DOCK5: variants seen among roughly 807,000 people sequenced by gnomAD.
DOCK5 encodes dedicator of cytokinesis 5.
A neutral mutation model predicts 251.8 loss-of-function variants in DOCK5; 142 were observed. The ratio of observed to expected loss-of-function variants is 0.56; its 90% CI spans 0.49 to 0.65. DOCK5 has a LOEUF of 0.65. Ranked by LOEUF, DOCK5 falls within the 30% of genes least tolerant of loss-of-function variation. The pLI is 0.00. For missense variants in DOCK5, 2,111 were observed against 2,312.3 expected (o/e 0.91, Z 1.79); for synonymous variants, 842 against 835.5 (o/e 1.01, Z -0.13).
chr8:25,371,398 G>A (rs547018029), intron 34 of DOCK5, among the ~76,000 whole-genome samples: 130 of 152,198 alleles, frequency 8.5e-4, no homozygotes, highest in South Asian at 1.5e-3. Flanking sequence ...AACCTGGGAG[G>A]CGGAGATTGC....
chr8:25,319,773 A>G, intron 15 of DOCK5, 97 bp downstream of exon 15: 1 of 865,002 alleles, frequency 1.2e-6, no homozygotes, highest in Non-Finnish European at 1.8e-6. Context: ...TTATTTTGAA[A>G]TTTTTAGATA....
intron 40 of DOCK5, 141 bp from the exon 41 acceptor site, chr8:25,388,950 A>G: frequency 1.4e-6 from 1 of 730,586 alleles, no homozygotes; most frequent in Non-Finnish European, 2.2e-6. Flanking sequence ...CTGTCAGGCA[A>G]GGACTAGATT....
rs144747554 is a variant in DOCK5, at chr8:25,377,412, C to T, written c.3924C>T (p.Phe1308=). The change falls in exon 38 of 52, where the codon TTC becomes TTT. Residue 1308 remains phenylalanine (F), a synonymous_variant. Coordinates refer to ENST00000276440, the MANE Select transcript of DOCK5 (RefSeq NM_024940.8). ...EKLYQEIISY[F]DKGKMWEKAI... ...TGTATCAAGAAATCATATCATATTT[C>T]GACAAAGGCAAAGTGAGTATTGGAT... 2.4e-5 allele frequency: 38 copies of T among 1,613,088 alleles called. No individual in the cohort carries two copies. Among genetic ancestry groups the T allele is most frequent in the African/African-American group, 5.3e-5 (4 of 75,016 alleles).
chr8:25,409,075 A>G (rs1801572966), intron 50 of DOCK5, 135 bp downstream of exon 50: 5 of 1,323,248 alleles, frequency 3.8e-6, no homozygotes, highest in Middle Eastern at 2.2e-4. Flanking sequence ...GTGTTCGTGT[A>G]TTATACAGTT....
intron 50 of DOCK5, 55 bp downstream of exon 50, chr8:25,408,995 T>C (rs1421835033): frequency 6.2e-7 from 1 of 1,610,800 alleles, no homozygotes; most frequent in African/African-American, 1.3e-5. Flanking sequence ...AGTATGTTTA[T>C]GCATCTGGGC....
chr8:25,308,018 A>T (rs961573054), intron 11 of DOCK5, among the ~76,000 whole-genome samples: 4 of 152,202 alleles, frequency 2.6e-5, no homozygotes, highest in African/African-American at 9.6e-5. Flanking sequence ...AGTGTGTTTT[A>T]TTGTCAGGGT....
intron 35 of DOCK5, 55 bp downstream of exon 35, chr8:25,372,773 C>G: frequency 1.3e-6 from 2 of 1,542,384 alleles, no homozygotes; most frequent in South Asian, 2.5e-5. Flanking sequence ...GCCCCTGCAC[C>G]CTACAGCTCA....
At chr8:25,236,575 A>G (rs1339909206) in intron 1 of DOCK5, among the ~76,000 whole-genome samples, 67 of 152,018 alleles carry the variant, frequency 4.4e-4, no homozygotes, top group Admixed American at 4.3e-3. Context: ...GAAGAATTGT[A>G]ACCATCTTTT....
At chr8:25,371,639 T>C (rs1159839367) in intron 34 of DOCK5, among the ~76,000 whole-genome samples, 3 of 152,244 alleles carry the variant, frequency 2.0e-5, no homozygotes, top group Non-Finnish European at 4.4e-5. Context: ...TTATATCTTT[T>C]GCAATTCTGA....
At position 25,414,909 on chromosome 8, in the gene DOCK5, C is replaced by CTTTTTTTTTTTTTTTTTTTTTTTT; in HGVS notation, c.*3624_*3625insTTTTTTTTTTTTTTTTTTTTTTTT. 1.0e-5 allele frequency: 1 copy of CTTTTTTTTTTTTTTTTTTTTTTTT among 96,604 alleles called. No homozygotes were observed. Among genetic ancestry groups the CTTTTTTTTTTTTTTTTTTTTTTTT allele is most frequent in the Middle Eastern group, 7.7e-3 (1 of 130 alleles). 6.0% of individuals were successfully genotyped at this position (96,604 alleles called of 1,614,324 possible). ...ATTTGTAGTCAGTCCCTGGGCCTGT[C>CTTTTTTTTTTTTTTTTTTTTTTTT]TTTTTTTTTTTTTAATTTTGAAGCT... On this transcript the variant is annotated 3_prime_UTR_variant, in exon 52 of 52. Transcript: ENST00000276440.
At chr8:25,293,504 C>T (rs1804544953) in intron 6 of DOCK5, among the ~76,000 whole-genome samples, 1 of 152,056 alleles carries the variant, frequency 6.6e-6, no homozygotes, top group African/African-American at 2.4e-5. Flanking sequence ...AAGAAACAGA[C>T]CAAGTGAGCT....
At chr8:25,376,101 A>AAG in intron 37 of DOCK5, 5 of 830,046 alleles carry the variant, frequency 6.0e-6, no homozygotes, top group Non-Finnish European at 6.8e-6. Flanking sequence ...TGTGTCTCAA[A>AAG]AGAAAAAAAA....
chr8:25,386,416 A>C (rs900795829), intron 40 of DOCK5, among the ~76,000 whole-genome samples: 3 of 152,132 alleles, frequency 2.0e-5, no homozygotes, highest in Non-Finnish European at 4.4e-5. Flanking sequence ...GCATCATAGC[A>C]TGACCCCGTC....
rs774957895 is a variant in DOCK5, at chr8:25,262,395, G to A, written c.128-6450G>A. On this transcript the variant is annotated intron_variant, in intron 2 of 51. Coordinates refer to ENST00000276440, the MANE Select transcript of DOCK5 (RefSeq NM_024940.8). Reference sequence around the variant, plus strand: ...CGTGGTCAAGCTACAGAACCATTCCGTCAGCCCCCAAGTTCTCCTGTGTCC... The same window carrying A: ...CGTGGTCAAGCTACAGAACCATTCCATCAGCCCCCAAGTTCTCCTGTGTCC... Among the ~76,000 whole-genome samples, 19 of 151,966 alleles carry A rather than the reference G, an allele frequency of 1.3e-4. 1 individual carries two copies. Among genetic ancestry groups the A allele is most frequent in the Admixed American group, 4.6e-4 (7 of 15,250 alleles).
At chr8:25,218,786 G>A (rs1057495346) in intron 1 of DOCK5, among the ~76,000 whole-genome samples, 1 of 152,178 alleles carries the variant, frequency 6.6e-6, no homozygotes, top group Non-Finnish European at 1.5e-5. Flanking sequence ...GAGGCTTGAA[G>A]GCTAGAGCAG....
At chr8:25,232,877 G>A (rs1048302600) in intron 1 of DOCK5, among the ~76,000 whole-genome samples, 1 of 152,084 alleles carries the variant, frequency 6.6e-6, no homozygotes, top group African/African-American at 2.4e-5. Flanking sequence ...TCTGGTTGTG[G>A]GATCTGTAAG....
chr8:25,411,247 T>C lies in DOCK5; in HGVS notation c.5562T>C (p.Pro1854=). 3.1e-6 allele frequency: 5 copies of C among 1,589,236 alleles called. No homozygotes were observed. Among genetic ancestry groups the C allele is most frequent in the Non-Finnish European group, 4.3e-6 (5 of 1,169,716 alleles). The change falls in exon 52 of 52, where the codon CCT becomes CCC. Residue 1854 remains proline, a synonymous_variant. Transcript: ENST00000276440. Reference sequence around the variant, plus strand: ...AAGCCAAAGCACCACCCCCTCCACCTCCAAAGGCTCGGAAGTCTGGCATCC... The same window carrying C: ...AAGCCAAAGCACCACCCCCTCCACCCCCAAAGGCTCGGAAGTCTGGCATCC... ...RREAKAPPPP[P]PKARKSGIPT...
chr8:25,312,380 G>T (rs1401363225), intron 13 of DOCK5, among the ~76,000 whole-genome samples: 2 of 152,172 alleles, frequency 1.3e-5, no homozygotes, highest in East Asian at 3.8e-4. Context: ...TTTAAATCTG[G>T]CTTGTAAAAG....
intron 25 of DOCK5, among the ~76,000 whole-genome samples, chr8:25,344,218 A>C (rs1410151727): frequency 6.6e-6 from 1 of 152,194 alleles, no homozygotes. Flanking sequence ...AATACTTTTC[A>C]TTTTGTAAGT....
Sources: gnomAD v4.1 joint callset for allele counts (sites outside exome capture counted in the v4.1 genomes callset) on GRCh38, gnomAD v4.1.1 for gene constraint, MANE v1.5 for transcripts, NCBI Gene and HGNC (gene_info 2026-07-23, HGNC 2026-07-21) for gene names.